The following PCDH11X variants were observed in gnomAD, a reference collection of about 807,000 sequenced individuals.
PCDH11X encodes the protein protocadherin 11 X-linked, also known as protocadherin-11 X-linked.
In PCDH11X, 18 loss-of-function variants were observed where a neutral mutation model predicts 53.3. The ratio of observed to expected loss-of-function variants is 0.34; its 90% CI spans 0.23 to 0.50. The LOEUF (loss-of-function observed/expected upper bound fraction) is 0.50. Ranked by LOEUF, PCDH11X falls within the 20% of genes least tolerant of loss-of-function variation. The pLI is 0.98. For missense variants in PCDH11X, 570 were observed against 1,032.4 expected (o/e 0.55, Z 6.14); for synonymous variants, 279 against 393.3 (o/e 0.71, Z 3.44).
chrX:92,164,761 A>T (rs1199715657), intron 6 of PCDH11X, among the ~76,000 whole-genome samples: 1 of 110,189 alleles, frequency 9.1e-6, no homozygotes, highest in Non-Finnish European at 1.9e-5. Context: ...AAGTCTTAGA[A>T]TTCCCACATG....
chrX:92,555,868 A>C (rs1235425813), intron 10 of PCDH11X, among the ~76,000 whole-genome samples: 1 of 111,653 alleles, frequency 9.0e-6, no homozygotes. Context: ...TGAAATACCC[A>C]AAACTGGGTA....
At chrX:91,818,670 G>T (rs1189551908) in intron 4 of PCDH11X, among the ~76,000 whole-genome samples, 4 of 107,257 alleles carry the variant, frequency 3.7e-5, no homozygotes, top group Admixed American at 3.0e-4. Flanking sequence ...CTGCACTCCA[G>T]CCTGGGTGAC....
At chrX:92,174,209 TA>T (rs1013605674) in intron 6 of PCDH11X, among the ~76,000 whole-genome samples, 83 of 104,843 alleles carry the variant, frequency 7.9e-4, no homozygotes, top group Non-Finnish European at 1.2e-3. Context: ...ACAGTATGAT[TA>T]AAAAAAATAA....
chrX:92,325,381 A>G (rs2069307170), intron 8 of PCDH11X, among the ~76,000 whole-genome samples: 1 of 111,234 alleles, frequency 9.0e-6, no homozygotes, highest in Non-Finnish European at 1.9e-5. Flanking sequence ...TACATTTTAA[A>G]AAGAAGTATT....
At chrX:92,520,478 A>T (rs866171763) in intron 10 of PCDH11X, among the ~76,000 whole-genome samples, 77 of 85,230 alleles carry the variant, frequency 9.0e-4, no homozygotes, top group African/African-American at 2.9e-3. Flanking sequence ...TGGCTGTGGC[A>T]TTTTTTTTTT....
At chrX:92,334,096 G>A (rs904780300) in intron 8 of PCDH11X, among the ~76,000 whole-genome samples, 1 of 111,391 alleles carries the variant, frequency 9.0e-6, no homozygotes, top group African/African-American at 3.3e-5. Flanking sequence ...CTTACAAACT[G>A]TGTAGCCTAC....
chrX:91,908,749 G>A (rs1336257453), intron 6 of PCDH11X, among the ~76,000 whole-genome samples: 1 of 107,898 alleles, frequency 9.3e-6, no homozygotes, highest in Admixed American at 9.9e-5. Flanking sequence ...AGGTTGCAGT[G>A]AACCAAGATC....
intron 8 of PCDH11X, among the ~76,000 whole-genome samples, chrX:92,312,350 T>C (rs1444834678): frequency 9.0e-6 from 1 of 111,130 alleles, no homozygotes; most frequent in African/African-American, 3.3e-5. Flanking sequence ...GGATTTAGTA[T>C]GTAGTATGAA....
intron 8 of PCDH11X, among the ~76,000 whole-genome samples, chrX:92,288,203 G>A (rs982280725): frequency 1.8e-5 from 2 of 110,955 alleles, no homozygotes; most frequent in African/African-American, 6.6e-5. Flanking sequence ...TGCAGAGATT[G>A]AAGAAACCAA....
intron 9 of PCDH11X, among the ~76,000 whole-genome samples, chrX:92,426,030 G>A (rs2072101610): frequency 1.2e-5 from 1 of 84,767 alleles, no homozygotes; most frequent in African/African-American, 4.4e-5. Flanking sequence ...AATATTGGAA[G>A]TGAAAGTCTG....
At chrX:92,408,172 C>A (rs1233454205) in intron 9 of PCDH11X, among the ~76,000 whole-genome samples, 1 of 110,779 alleles carries the variant, frequency 9.0e-6, no homozygotes, top group East Asian at 2.8e-4. Context: ...TGTGAGCCAC[C>A]TTGCCAGCCT....
At chrX:92,561,339 A>G (rs1298972152) in intron 10 of PCDH11X, among the ~76,000 whole-genome samples, 1 of 104,332 alleles carries the variant, frequency 9.6e-6, no homozygotes, top group Admixed American at 1.1e-4. Context: ...AAAAATAGAG[A>G]TATATGACTT....
intron 4 of PCDH11X, among the ~76,000 whole-genome samples, chrX:91,819,837 A>C (rs1936587120): frequency 1.2e-5 from 1 of 82,425 alleles, no homozygotes; most frequent in African/African-American, 4.5e-5. Flanking sequence ...CAACCCCACA[A>C]CAGTCCCCAG....
intron 9 of PCDH11X, among the ~76,000 whole-genome samples, chrX:92,462,506 T>A: frequency 9.0e-6 from 1 of 111,300 alleles, no homozygotes; most frequent in Middle Eastern, 4.7e-3. Flanking sequence ...GAGCTAAAAT[T>A]GTTTCAAACA....
At chrX:91,997,339 T>G (rs920868806) in intron 6 of PCDH11X, among the ~76,000 whole-genome samples, 2 of 111,291 alleles carry the variant, frequency 1.8e-5, no homozygotes, top group Admixed American at 9.6e-5. Context: ...AATAGAATGT[T>G]AGCTGTGGGT....
At chrX:92,315,064 T>C (rs1242544680) in intron 8 of PCDH11X, among the ~76,000 whole-genome samples, 1 of 111,193 alleles carries the variant, frequency 9.0e-6, no homozygotes, top group Non-Finnish European at 1.9e-5. Context: ...TTCATCAATG[T>C]CCCTGTGAAG....
chrX:92,311,670 C>A (rs927735693), intron 8 of PCDH11X, among the ~76,000 whole-genome samples: 1 of 109,968 alleles, frequency 9.1e-6, no homozygotes, highest in African/African-American at 3.3e-5. Flanking sequence ...TTTTTTTCCA[C>A]AGTAGCTCAC....
intron 5 of PCDH11X, among the ~76,000 whole-genome samples, chrX:91,838,289 A>C (rs1391059981): frequency 8.9e-6 from 1 of 111,859 alleles, no homozygotes; most frequent in Non-Finnish European, 1.9e-5. Flanking sequence ...GCAAATGACA[A>C]AAAGTCTCAC....
chrX:91,925,683 C>A (rs1338373151), intron 6 of PCDH11X, among the ~76,000 whole-genome samples: 2 of 110,263 alleles, frequency 1.8e-5, no homozygotes, highest in Non-Finnish European at 3.8e-5. Flanking sequence ...AATAGTTTAC[C>A]ATTAAATTTG....
Sources: allele counts gnomAD v4.1 joint callset (sites outside exome capture counted in the v4.1 genomes callset), GRCh38; gene constraint gnomAD v4.1.1; transcripts MANE v1.5; gene names NCBI Gene and HGNC (gene_info 2026-07-23, HGNC 2026-07-21).